The following SAMMSON variants were observed in gnomAD, a reference collection of about 807,000 sequenced individuals.
SAMMSON encodes survival associated mitochondrial melanoma specific oncogenic non-coding RNA, also known as long intergenic non-protein coding RNA 1212.
chr3:70,297,796 A>G (rs1702304067), intron 7 of SAMMSON, among the ~76,000 whole-genome samples: 1 of 152,096 alleles, frequency 6.6e-6, no homozygotes, highest in Non-Finnish European at 1.5e-5. Context: ...AGCTTAAACT[A>G]AAAAGTGTTA....
intron 6 of SAMMSON, among the ~76,000 whole-genome samples, chr3:70,269,995 G>A (rs981565411): frequency 5.3e-5 from 8 of 152,112 alleles, no homozygotes; most frequent in South Asian, 2.1e-4. Flanking sequence ...AAAACAGATC[G>A]AAACAAACAA....
intron 3 of SAMMSON, among the ~76,000 whole-genome samples, chr3:70,035,625 G>A (rs73836011): frequency 0.047 from 7,094 of 152,176 alleles, 372 homozygotes; most frequent in African/African-American, 0.13. Flanking sequence ...CCTTTTAGCC[G>A]AACCCTCCGC....
At chr3:70,051,018 C>G (rs1387870962) in intron 3 of SAMMSON, among the ~76,000 whole-genome samples, 2 of 150,398 alleles carry the variant, frequency 1.3e-5, no homozygotes, top group Non-Finnish European at 1.5e-5. Flanking sequence ...CACCTGTAAT[C>G]CCAGCTACTT....
chr3:70,318,050 T>A (rs1702507797), intron 7 of SAMMSON, among the ~76,000 whole-genome samples: 1 of 151,966 alleles, frequency 6.6e-6, no homozygotes, highest in African/African-American at 2.4e-5. Flanking sequence ...GTTTTTTCTT[T>A]TTCTTTCTTT....
At chr3:70,390,783 T>C (rs1575639631), downstream of SAMMSON, among the ~76,000 whole-genome samples, 1 of 152,134 alleles carries the variant, frequency 6.6e-6, no homozygotes, top group South Asian at 2.1e-4. Flanking sequence ...ACAATTTTTT[T>C]CACAGAAAAT....
chr3:70,344,356 T>TG (rs1402426238), intron 7 of SAMMSON, among the ~76,000 whole-genome samples: 2 of 152,056 alleles, frequency 1.3e-5, no homozygotes, highest in East Asian at 3.9e-4. Context: ...TGGCTTGGGA[T>TG]GGTTGGAGAG....
chr3:70,158,876 G>C (rs1156594658), intron 4 of SAMMSON, among the ~76,000 whole-genome samples: 1 of 151,906 alleles, frequency 6.6e-6, no homozygotes, highest in East Asian at 1.9e-4. Context: ...TAATATCAAA[G>C]CTCAATATTT....
chr3:70,417,578 A>G (rs565034237), intron 2 of SAMMSON, among the ~76,000 whole-genome samples: 10 of 152,316 alleles, frequency 6.6e-5, no homozygotes, highest in African/African-American at 2.4e-4. Flanking sequence ...AACTTCAGAC[A>G]TAGGTGGATC....
downstream of SAMMSON, among the ~76,000 whole-genome samples, chr3:70,394,563 G>A (rs1290510825): frequency 6.6e-6 from 1 of 152,130 alleles, no homozygotes; most frequent in African/African-American, 2.4e-5. Flanking sequence ...TATACACTGA[G>A]CTGCAGTTTG....
intron 7 of SAMMSON, among the ~76,000 whole-genome samples, chr3:70,325,905 A>G (rs1702577881): frequency 6.6e-6 from 1 of 152,166 alleles, no homozygotes; most frequent in Non-Finnish European, 1.5e-5. Flanking sequence ...TTCTAGATCT[A>G]GACACCTTTT....
intron 7 of SAMMSON, among the ~76,000 whole-genome samples, chr3:70,291,492 C>T (rs1702239522): frequency 6.6e-6 from 1 of 152,198 alleles, no homozygotes; most frequent in Non-Finnish European, 1.5e-5. Context: ...TTCTACTTCT[C>T]ACATTGTATT....
chr3:70,332,580 G>A (rs1232463904), intron 7 of SAMMSON, among the ~76,000 whole-genome samples: 1 of 152,092 alleles, frequency 6.6e-6, no homozygotes, highest in Non-Finnish European at 1.5e-5. Context: ...ATTTAGCACA[G>A]TGTCTGGCAC....
At chr3:70,332,330 C>T (rs1702626908) in intron 7 of SAMMSON, among the ~76,000 whole-genome samples, 1 of 152,104 alleles carries the variant, frequency 6.6e-6, no homozygotes, top group South Asian at 2.1e-4. Context: ...AAAGGACTTC[C>T]CCGCTCCTGG....
intron 4 of SAMMSON, among the ~76,000 whole-genome samples, chr3:70,078,721 G>A (rs1477234949): frequency 6.6e-6 from 1 of 152,030 alleles, no homozygotes; most frequent in Non-Finnish European, 1.5e-5. Flanking sequence ...TCCGTAACAG[G>A]GCCAGGCCCA....
intron 4 of SAMMSON, among the ~76,000 whole-genome samples, chr3:70,179,427 A>C (rs1701033846): frequency 6.6e-6 from 1 of 152,214 alleles, no homozygotes; most frequent in Admixed American, 6.5e-5. Flanking sequence ...ACAGGAGCAG[A>C]GTTGCAGAGG....
intron 7 of SAMMSON, among the ~76,000 whole-genome samples, chr3:70,305,897 A>G (rs553497616): frequency 6.6e-6 from 1 of 152,312 alleles, no homozygotes; most frequent in East Asian, 1.9e-4. Flanking sequence ...TATATTGAAA[A>G]GGGAATTTTT....
intron 6 of SAMMSON, among the ~76,000 whole-genome samples, chr3:70,265,259 G>A (rs11710654): frequency 6.6e-6 from 1 of 152,176 alleles, no homozygotes; most frequent in East Asian, 1.9e-4. Flanking sequence ...GAGATATAGG[G>A]GATTGAAAGG....
chr3:70,213,682 A>G (rs895120060), intron 4 of SAMMSON, among the ~76,000 whole-genome samples: 12 of 152,122 alleles, frequency 7.9e-5, no homozygotes, highest in Non-Finnish European at 1.3e-4. Flanking sequence ...TGTGAAGTTC[A>G]TTCAAATGTT....
At chr3:70,175,310 T>A (rs1701001731) in intron 4 of SAMMSON, among the ~76,000 whole-genome samples, 1 of 152,218 alleles carries the variant, frequency 6.6e-6, no homozygotes, top group Non-Finnish European at 1.5e-5. Context: ...AATACATATG[T>A]CCTTCCTTTC....
Sources: gnomAD v4.1 joint callset for allele counts (sites outside exome capture counted in the v4.1 genomes callset) on GRCh38, gnomAD v4.1.1 for gene constraint, MANE v1.5 for transcripts, NCBI Gene and HGNC (gene_info 2026-07-23, HGNC 2026-07-21) for gene names.